The following SLC2A12 variants were observed in gnomAD, a reference collection of about 807,000 sequenced individuals.
SLC2A12 encodes solute carrier family 2 member 12, also known as solute carrier family 2, facilitated glucose transporter member 12.
In SLC2A12, 23 loss-of-function variants were observed where a neutral mutation model predicts 41.8. The ratio of observed to expected loss-of-function variants is 0.55; its 90% CI spans 0.40 to 0.78. SLC2A12 has a LOEUF of 0.78. Among genes scored for constraint, SLC2A12 ranks in the 30% least tolerant of loss-of-function variants. SLC2A12 has a pLI of 0.00. For missense variants in SLC2A12, 654 were observed against 745.6 expected (o/e 0.88, Z 1.43); for synonymous variants, 295 against 285.9 (o/e 1.03, Z -0.32).
chr6:133,997,311 C>G (rs935464563), intron 4 of SLC2A12, among the ~76,000 whole-genome samples: 1 of 152,044 alleles, frequency 6.6e-6, no homozygotes, highest in Non-Finnish European at 1.5e-5. Context: ...TGAGTATATA[C>G]CCAAAGGAAA....
chr6:133,992,491 G>C (rs1776637212), intron 4 of SLC2A12, among the ~76,000 whole-genome samples: 1 of 152,188 alleles, frequency 6.6e-6, no homozygotes, highest in African/African-American at 2.4e-5. Context: ...TATTCCTCAA[G>C]ATCTACTTGA....
chr6:134,021,411 A>G (rs913629591), intron 2 of SLC2A12, among the ~76,000 whole-genome samples: 9 of 152,222 alleles, frequency 5.9e-5, no homozygotes, highest in African/African-American at 2.2e-4. Context: ...TCTTCCTTCA[A>G]AATGCTTACA....
intron 4 of SLC2A12, among the ~76,000 whole-genome samples, chr6:133,996,416 T>C (rs1482342890): frequency 6.6e-6 from 1 of 152,254 alleles, no homozygotes; most frequent in East Asian, 1.9e-4. Context: ...AATTACATTA[T>C]TGCAGAAATC....
chr6:134,029,518 T>C lies in SLC2A12; in HGVS notation c.307A>G (p.Arg103Gly), dbSNP rs61741411. ...ATGATTGCTGTCCTTCTTCCATATC[T>C]GTCTATCAGGACCCCTCCGGTGAGT... ...ASLTGGVLIDRYGRRTAIILS... is the reference protein window; with the variant it reads ...ASLTGGVLIDGYGRRTAIILS... The change falls in exon 2 of 5, where the codon AGA becomes GGA. Residue 103 changes from arginine to glycine, a missense_variant. This residue lies in a region of SLC2A12 where 109 missense variants were observed against 153.0 expected (regional missense o/e 0.71). Transcript: ENST00000275230. The C allele has an allele frequency of 1.9e-3, 3,031 of 1,614,126 alleles. 46 individuals carry two copies. In the African/African-American group the frequency reaches 0.034, roughly 18 times the overall value.
At chr6:134,034,782 T>G (rs1200414548) in intron 1 of SLC2A12, among the ~76,000 whole-genome samples, 1 of 152,012 alleles carries the variant, frequency 6.6e-6, no homozygotes, top group Non-Finnish European at 1.5e-5. Flanking sequence ...AAGGACAGAG[T>G]AAGATGAGGA....
chr6:134,002,764 T>C (rs1040056656), intron 3 of SLC2A12, among the ~76,000 whole-genome samples: 2 of 152,240 alleles, frequency 1.3e-5, no homozygotes, highest in Non-Finnish European at 2.9e-5. Context: ...GAGAAAAAAG[T>C]GATCATGGAT....
chr6:134,005,557 G>A (rs890815132), intron 3 of SLC2A12, among the ~76,000 whole-genome samples: 1 of 150,064 alleles, frequency 6.7e-6, no homozygotes, highest in South Asian at 2.1e-4. Flanking sequence ...CTACTTGGGA[G>A]GCTGAGGCAA....
chr6:134,019,869 A>G (rs2114458100), intron 2 of SLC2A12, among the ~76,000 whole-genome samples: 1 of 152,176 alleles, frequency 6.6e-6, no homozygotes, highest in African/African-American at 2.4e-5. Context: ...TAAAACTACA[A>G]AAATTAACCA....
intron 2 of SLC2A12, among the ~76,000 whole-genome samples, chr6:134,023,083 T>G (rs1394324109): frequency 5.9e-5 from 9 of 152,136 alleles, no homozygotes; most frequent in Admixed American, 5.9e-4. Context: ...CCCCCAGATA[T>G]GTCTATGAAC....
intron 2 of SLC2A12, among the ~76,000 whole-genome samples, chr6:134,018,585 T>C (rs1347016859): frequency 6.6e-6 from 1 of 152,182 alleles, no homozygotes; most frequent in East Asian, 1.9e-4. Context: ...ATACAAACGT[T>C]GGCCCAAATG....
chr6:134,016,492 A>G (rs1311343217), intron 2 of SLC2A12, among the ~76,000 whole-genome samples: 1 of 151,804 alleles, frequency 6.6e-6, no homozygotes, highest in East Asian at 1.9e-4. Context: ...TATTCTGGCT[A>G]TTGCTTTGCT....
At chr6:134,024,490 C>T (rs1042762957) in intron 2 of SLC2A12, among the ~76,000 whole-genome samples, 6 of 152,178 alleles carry the variant, frequency 3.9e-5, no homozygotes, top group African/African-American at 1.4e-4. Flanking sequence ...TACAATTGTG[C>T]GATACCAAAT....
At chr6:134,022,545 AAAGAAAAGAAAAG>A (rs1777056374) in intron 2 of SLC2A12, among the ~76,000 whole-genome samples, 1 of 39,832 alleles carries the variant, frequency 2.5e-5, no homozygotes, top group Non-Finnish European at 4.5e-5. Context: ...AAAGAAAAGA[AAAGAAAAGAAAAG>A]AAAAGAAAAG....
At chr6:134,049,741 A>T (rs1773647418) in intron 1 of SLC2A12, among the ~76,000 whole-genome samples, 1 of 152,242 alleles carries the variant, frequency 6.6e-6, no homozygotes, top group Non-Finnish European at 1.5e-5. Flanking sequence ...ATTGGAACAA[A>T]GCATTCTTTT....
Position 133,988,732 on chromosome 6 carries a change from TTA to T in SLC2A12, c.*2421_*2422del, listed in dbSNP as rs1776574514. 1 of 151,994 alleles carries T rather than the reference TTA, an allele frequency of 6.6e-6. No individual in the cohort carries two copies. The highest frequency in any genetic ancestry group is 6.6e-5 in the Admixed American group (1 of 15,240). The allele number at this position is 151,994 out of a possible 1,614,324, so 9.4% of individuals were successfully genotyped here. A position where few individuals can be genotyped will look rare whatever the true frequency, so the allele number is the denominator to read the frequency against. ...TTTAGACTTGTATTTTTCCTTTTTT[TTA>T]AAAAAAAAGTGTTTATTTCCTTTAT... On this transcript the variant is annotated 3_prime_UTR_variant, in exon 5 of 5. Coordinates refer to ENST00000275230, the MANE Select transcript of SLC2A12 (RefSeq NM_145176.3).
Position 134,028,459 on chromosome 6 carries a change from C to T in SLC2A12, c.1366G>A (p.Val456Ile), listed in dbSNP as rs753553942. Residue 456 changes from valine to isoleucine, a missense_variant, in exon 2 of 5, where the codon GTC (valine) becomes ATC (isoleucine). Transcript: ENST00000275230. Reference sequence around the variant, plus strand: ...GACAGCCATTTCAAAAAAGCTGGGACGTCCCCAGGGTCTGTGACTATCTGG... The same window carrying T: ...GACAGCCATTTCAAAAAAGCTGGGATGTCCCCAGGGTCTGTGACTATCTGG... ...EYQIVTDPGD[V>I]PAFLKWLSLA... The T allele has an allele frequency of 2.5e-5, 40 of 1,614,058 alleles. 2 individuals are homozygous for T. Among genetic ancestry groups the T allele is most frequent in the South Asian group, 2.3e-4 (21 of 91,074 alleles).
intron 2 of SLC2A12, among the ~76,000 whole-genome samples, chr6:134,017,095 A>G (rs73774195): frequency 0.032 from 4,928 of 152,274 alleles, 269 homozygotes; most frequent in African/African-American, 0.11. Flanking sequence ...GCTGGGTCTC[A>G]TATTTGGAGA....
At chr6:133,998,492 C>T (rs1386123927) in intron 4 of SLC2A12, among the ~76,000 whole-genome samples, 1 of 152,202 alleles carries the variant, frequency 6.6e-6, no homozygotes, top group African/African-American at 2.4e-5. Flanking sequence ...TTCTCCCTGC[C>T]TCAATTTTTC....
chr6:134,049,509 G>C (rs1394185667), intron 1 of SLC2A12, among the ~76,000 whole-genome samples: 1 of 152,116 alleles, frequency 6.6e-6, no homozygotes, highest in East Asian at 1.9e-4. Context: ...CACATCTTTT[G>C]ACCTCAGATT....
Sources: gnomAD v4.1 joint callset for allele counts (sites outside exome capture counted in the v4.1 genomes callset) on GRCh38, gnomAD v4.1.1 for gene constraint, gnomAD v4.1.1 regional missense constraint, MANE v1.5 for transcripts, NCBI Gene and HGNC (gene_info 2026-07-23, HGNC 2026-07-21) for gene names.